Variants in RBFOX1 observed in about 807,000 individuals in gnomAD.
RBFOX1 encodes RNA binding fox-1 homolog 1, also known as RNA binding protein fox-1 homolog 1.
Under a neutral mutation model 57.7 loss-of-function variants are expected in RBFOX1, and 8 were observed. The observed-to-expected ratio is 0.14, with a 90% confidence interval of 0.08 to 0.25. The LOEUF (loss-of-function observed/expected upper bound fraction) is 0.25. Ranked by LOEUF, RBFOX1 falls within the 10% of genes least tolerant of loss-of-function variation. The pLI is 1.00. For synonymous variants in RBFOX1, 326 were observed against 222.4 expected, an observed-to-expected ratio of 1.47 and a Z score of -4.15; for missense variants, 611 against 548.5, an observed-to-expected ratio of 1.11 and a Z score of -1.14.
At chr16:7,477,915 G>T (rs1280394367) in intron 4 of RBFOX1, among the ~76,000 whole-genome samples, 1 of 152,176 alleles carries the variant, frequency 6.6e-6, no homozygotes, top group Non-Finnish European at 1.5e-5. Context: ...AAAGCATCTT[G>T]TTGTTTATTG....
At chr16:6,919,930 C>T (rs909173133) in intron 3 of RBFOX1, among the ~76,000 whole-genome samples, 2 of 151,918 alleles carry the variant, frequency 1.3e-5, no homozygotes, top group South Asian at 2.1e-4. Flanking sequence ...TTATCCTTTA[C>T]CCCCTCCCAC....
intron 4 of RBFOX1, among the ~76,000 whole-genome samples, chr16:7,382,280 TATCTC>T (rs2097793132): frequency 6.6e-6 from 1 of 152,230 alleles, no homozygotes; most frequent in Admixed American, 6.5e-5. Context: ...AGTTGAGATT[TATCTC>T]ATTTCATAAA....
At chr16:6,904,232 C>G (rs1217707425) in intron 3 of RBFOX1, among the ~76,000 whole-genome samples, 1 of 152,126 alleles carries the variant, frequency 6.6e-6, no homozygotes, top group Non-Finnish European at 1.5e-5. Flanking sequence ...CATGTGTGTT[C>G]TAAACTGTCA....
At chr16:6,009,515 C>T (rs2094947487) in intron 4 of RBFOX1, among the ~76,000 whole-genome samples, 1 of 152,056 alleles carries the variant, frequency 6.6e-6, no homozygotes, top group South Asian at 2.1e-4. Context: ...CCATGGGTTC[C>T]CTGCAAAATA....
Position 7,711,550 on chromosome 16 carries a change from G to C in RBFOX1, c.*805G>C, listed in dbSNP as rs1217987278. The C allele has an allele frequency of 6.6e-6, 1 of 152,198 alleles. No individual in the cohort carries two copies. The highest frequency in any genetic ancestry group is 2.4e-5 in the African/African-American group (1 of 41,306). The allele number at this position is 152,198 out of a possible 1,614,324, so 9.4% of individuals were successfully genotyped here. On this transcript the variant is annotated 3_prime_UTR_variant, in exon 16 of 16. Coordinates refer to ENST00000550418, the MANE Select transcript of RBFOX1 (RefSeq NM_018723.4). ...CACTGCTGACTTTTATATTATGGGA[G>C]GGAAAAAATAACATTAATAAAAAGG...
chr16:6,497,045 G>A (rs1306094120), intron 2 of RBFOX1, among the ~76,000 whole-genome samples: 1 of 152,204 alleles, frequency 6.6e-6, no homozygotes, highest in Non-Finnish European at 1.5e-5. Context: ...TGGCTTATAT[G>A]AGGCTCTCAA....
chr16:7,269,537 G>A (rs566755043), intron 4 of RBFOX1, among the ~76,000 whole-genome samples: 21 of 152,124 alleles, frequency 1.4e-4, no homozygotes, highest in South Asian at 6.2e-4. Context: ...AGAATTTATC[G>A]TATAATTTTT....
intron 7 of RBFOX1, among the ~76,000 whole-genome samples, chr16:7,592,659 G>T (rs902299744): frequency 1.3e-5 from 2 of 152,192 alleles, no homozygotes; most frequent in Non-Finnish European, 2.9e-5. Flanking sequence ...GGCTATGGTT[G>T]CTAGGAAGTT....
At chr16:6,717,778 C>G (rs1293318688) in intron 3 of RBFOX1, among the ~76,000 whole-genome samples, 1 of 152,098 alleles carries the variant, frequency 6.6e-6, no homozygotes, top group East Asian at 1.9e-4. Context: ...GGCTGCAATT[C>G]TCAACATGGA....
At chr16:6,222,928 T>C (rs1402677863) in intron 1 of RBFOX1, among the ~76,000 whole-genome samples, 1 of 151,734 alleles carries the variant, frequency 6.6e-6, no homozygotes, top group Non-Finnish European at 1.5e-5. Context: ...TCAATTCCCA[T>C]CTATGAGTGA....
At chr16:6,219,303 T>C (rs145747255) in intron 1 of RBFOX1, among the ~76,000 whole-genome samples, 2 of 152,150 alleles carry the variant, frequency 1.3e-5, no homozygotes, top group Admixed American at 1.3e-4. Context: ...ACTGCATCAC[T>C]GCAAAAATAC....
chr16:5,396,206 G>A (rs1195958361), intron 1 of RBFOX1, among the ~76,000 whole-genome samples: 3 of 152,176 alleles, frequency 2.0e-5, no homozygotes, highest in African/African-American at 4.8e-5. Flanking sequence ...CAATGGTTAC[G>A]TGAAACAAGG....
intron 1 of RBFOX1, among the ~76,000 whole-genome samples, chr16:6,263,480 C>G (rs1684293015): frequency 6.6e-6 from 1 of 152,150 alleles, no homozygotes; most frequent in Non-Finnish European, 1.5e-5. Context: ...CTGATTTGAA[C>G]TGAGCAGTGC....
At chr16:5,273,092 C>T (rs373640581) in intron 1 of RBFOX1, among the ~76,000 whole-genome samples, 5 of 152,232 alleles carry the variant, frequency 3.3e-5, no homozygotes, top group South Asian at 2.1e-4. Flanking sequence ...AAGAGAAACT[C>T]GTTCTCTTTA....
At chr16:6,662,188 T>G (rs2098705996) in intron 3 of RBFOX1, among the ~76,000 whole-genome samples, 1 of 152,084 alleles carries the variant, frequency 6.6e-6, no homozygotes, top group African/African-American at 2.4e-5. Context: ...CATCATCAGA[T>G]TAAGTTATAG....
chr16:5,413,424 A>C (rs1157546721), intron 1 of RBFOX1, among the ~76,000 whole-genome samples: 2 of 152,212 alleles, frequency 1.3e-5, no homozygotes, highest in African/African-American at 2.4e-5. Flanking sequence ...CGTGGTATCC[A>C]TGTAGCTATT....
intron 4 of RBFOX1, among the ~76,000 whole-genome samples, chr16:7,447,289 C>T (rs1010397655): frequency 2.6e-5 from 4 of 151,778 alleles, no homozygotes; most frequent in African/African-American, 9.7e-5. Context: ...AAAAATTAGC[C>T]AGCTGTGGTG....
chr16:6,507,541 A>G (rs1422512803), intron 2 of RBFOX1, among the ~76,000 whole-genome samples: 1 of 145,722 alleles, frequency 6.9e-6, no homozygotes. Context: ...GCATAGTGGC[A>G]CACACTTGTA....
intron 2 of RBFOX1, among the ~76,000 whole-genome samples, chr16:6,629,247 T>C (rs2098352163): frequency 6.6e-6 from 1 of 152,172 alleles, no homozygotes; most frequent in Non-Finnish European, 1.5e-5. Context: ...AGGGAAAAGG[T>C]AACCTCATCC....
Sources: gnomAD v4.1 joint callset for allele counts (sites outside exome capture counted in the v4.1 genomes callset) on GRCh38, gnomAD v4.1.1 for gene constraint, MANE v1.5 for transcripts, NCBI Gene and HGNC (gene_info 2026-07-23, HGNC 2026-07-21) for gene names.